Variants in LRRTM4 observed in about 807,000 individuals in gnomAD.
LRRTM4 encodes the protein leucine-rich repeat transmembrane neuronal protein 4.
A neutral mutation model predicts 47.6 loss-of-function variants in LRRTM4; 25 were observed. The observed-to-expected ratio is 0.53, with a 90% CI of 0.38 to 0.73. LRRTM4 has a LOEUF of 0.73. Among genes scored for constraint, LRRTM4 ranks in the 30% least tolerant of loss-of-function variants. The pLI, the probability that LRRTM4 is intolerant of heterozygous loss-of-function variation, is 0.00. For synonymous variants in LRRTM4, 311 were observed against 269.5 expected (o/e 1.15, Z -1.51); for missense variants, 638 against 713.4 (o/e 0.89, Z 1.20).
intron 3 of LRRTM4, among the ~76,000 whole-genome samples, chr2:77,080,823 C>T (rs899577130): frequency 6.6e-6 from 1 of 152,158 alleles, no homozygotes; most frequent in African/African-American, 2.4e-5. Flanking sequence ...ATAAAGCCTT[C>T]TGTGCTTAGC....
intron 3 of LRRTM4, among the ~76,000 whole-genome samples, chr2:77,406,385 G>C (rs1674183336): frequency 6.6e-6 from 1 of 151,994 alleles, no homozygotes; most frequent in South Asian, 2.1e-4. Flanking sequence ...GCAGTGATGT[G>C]ATCATGGCTT....
At chr2:77,216,170 G>C (rs765763972) in intron 3 of LRRTM4, among the ~76,000 whole-genome samples, 10 of 152,150 alleles carry the variant, frequency 6.6e-5, no homozygotes, top group Non-Finnish European at 1.2e-4. Context: ...CAAAAGGGTA[G>C]TAAAAATCTT....
chr2:77,243,365 G>A (rs567943729), intron 3 of LRRTM4, among the ~76,000 whole-genome samples: 192 of 147,710 alleles, frequency 1.3e-3, no homozygotes, highest in Non-Finnish European at 2.0e-3. Context: ...AGCCGAGATC[G>A]TGCCATTGCA....
chr2:77,416,912 G>C (rs960551557), intron 3 of LRRTM4, among the ~76,000 whole-genome samples: 1 of 151,970 alleles, frequency 6.6e-6, no homozygotes, highest in African/African-American at 2.4e-5. Context: ...TTAAACTAAA[G>C]AGCTTCTGCA....
chr2:76,946,765 C>T (rs533387846), intron 3 of LRRTM4, among the ~76,000 whole-genome samples: 1 of 151,832 alleles, frequency 6.6e-6, no homozygotes, highest in Non-Finnish European at 1.5e-5. Flanking sequence ...GGTCTGTAAT[C>T]TTCTAAATTA....
chr2:77,139,680 A>T (rs1672059158), intron 3 of LRRTM4, among the ~76,000 whole-genome samples: 1 of 152,160 alleles, frequency 6.6e-6, no homozygotes, highest in African/African-American at 2.4e-5. Context: ...GAGGAAGTCA[A>T]ATTGTCCCTG....
At chr2:76,885,706 C>CCGCCCGCCT (rs1673054572) in intron 3 of LRRTM4, among the ~76,000 whole-genome samples, 1 of 152,020 alleles carries the variant, frequency 6.6e-6, no homozygotes, top group South Asian at 2.1e-4. Flanking sequence ...ACGTCGTGAT[C>CCGCCCGCCT]CGCCCGCCTC....
At chr2:77,466,904 G>A (rs935880417) in intron 3 of LRRTM4, among the ~76,000 whole-genome samples, 3 of 151,842 alleles carry the variant, frequency 2.0e-5, no homozygotes, top group African/African-American at 7.3e-5. Flanking sequence ...TCACCATGTT[G>A]GCCAGGCTGG....
At chr2:77,437,991 G>A (rs923512307) in intron 3 of LRRTM4, among the ~76,000 whole-genome samples, 1 of 152,022 alleles carries the variant, frequency 6.6e-6, no homozygotes, top group Non-Finnish European at 1.5e-5. Flanking sequence ...AACTTGTAAC[G>A]GGTATCACAA....
intron 3 of LRRTM4, among the ~76,000 whole-genome samples, chr2:76,759,852 C>T (rs1323168885): frequency 6.6e-6 from 1 of 151,792 alleles, no homozygotes. Context: ...AAATGTCACC[C>T]CACGCTGATT....
chr2:77,261,226 A>C (rs1486092194), intron 3 of LRRTM4, among the ~76,000 whole-genome samples: 1 of 152,134 alleles, frequency 6.6e-6, no homozygotes, highest in African/African-American at 2.4e-5. Flanking sequence ...GTAGTGCAGA[A>C]AGAGAAAATA....
chr2:77,406,762 T>C (rs290016), intron 3 of LRRTM4, among the ~76,000 whole-genome samples: 52,635 of 152,032 alleles, frequency 0.35, 9,768 homozygotes, highest in East Asian at 0.51. Context: ...GAGAGATTAC[T>C]TTCATTTAAT....
chr2:77,481,939 CCACTT>C (rs1677721081), intron 3 of LRRTM4, among the ~76,000 whole-genome samples: 1 of 150,980 alleles, frequency 6.6e-6, no homozygotes, highest in Non-Finnish European at 1.5e-5. Flanking sequence ...ATGAAATACA[CCACTT>C]CTCTCAGCAG....
chr2:77,030,770 A>C (rs1187657316), intron 3 of LRRTM4, among the ~76,000 whole-genome samples: 1 of 152,224 alleles, frequency 6.6e-6, no homozygotes, highest in African/African-American at 2.4e-5. Context: ...ATTGCTTGCT[A>C]AAGACTATTG....
At chr2:76,913,543 A>ATTTTTTTTT (rs58615415) in intron 3 of LRRTM4, among the ~76,000 whole-genome samples, 4 of 121,482 alleles carry the variant, frequency 3.3e-5, no homozygotes, top group African/African-American at 1.3e-4. Context: ...TCCTATTTCA[A>ATTTTTTTTT]TTTTTTTTTT....
intron 3 of LRRTM4, among the ~76,000 whole-genome samples, chr2:77,165,628 A>C (rs922380120): frequency 1.3e-5 from 2 of 152,226 alleles, no homozygotes; most frequent in Non-Finnish European, 2.9e-5. Flanking sequence ...AGTGGGCTTC[A>C]TCCCTGGGAT....
At chr2:76,933,063 T>C (rs1440210928) in intron 3 of LRRTM4, among the ~76,000 whole-genome samples, 2 of 152,148 alleles carry the variant, frequency 1.3e-5, no homozygotes, top group African/African-American at 4.8e-5. Context: ...TATTTTTTTA[T>C]GCATAAGCAT....
At chr2:77,408,515 A>T (rs1274848423) in intron 3 of LRRTM4, among the ~76,000 whole-genome samples, 1 of 152,224 alleles carries the variant, frequency 6.6e-6, no homozygotes. Flanking sequence ...ATATAAAATC[A>T]GTTCTTAACT....
At position 77,089,207 on chromosome 2, in the gene LRRTM4, A is replaced by G. The variant is rs977081636; in HGVS notation, c.1552-340291T>C. Among the ~76,000 whole-genome samples the G allele has an allele frequency of 2.9e-4, 21 of 71,618 alleles. No individual in the cohort carries two copies. The South Asian group carries it at 8.9e-3, about 30-fold the overall frequency. The allele number at this position is 71,618 out of a possible 152,430, so 47.0% of individuals were successfully genotyped here. On this transcript the variant is annotated intron_variant, in intron 3 of 3. Transcript: ENST00000409884. ...GTCTCTACCCCTTCTCTGCTTTTCC[A>G]GGGACAGGGCAAGTAACCGAACCCC...
Sources: allele counts gnomAD v4.1 joint callset (sites outside exome capture counted in the v4.1 genomes callset), GRCh38; gene constraint gnomAD v4.1.1; transcripts MANE v1.5; gene names NCBI Gene and HGNC (gene_info 2026-07-23, HGNC 2026-07-21).